Variants in C5AR1 observed in about 807,000 individuals in gnomAD.
The protein encoded by C5AR1 is complement C5a receptor 1, also known as C5a anaphylatoxin chemotactic receptor 1.
In C5AR1, 4 loss-of-function variants were observed where a neutral mutation model predicts 2.4. That is an observed-to-expected ratio of 1.65 (90% CI 0.81 to 3.77). The LOEUF is 3.77. Among genes scored for constraint, C5AR1 ranks in the 30% most tolerant of loss-of-function variants. C5AR1 has a pLI of 0.01. For synonymous variants in C5AR1, 209 were observed against 210.4 expected (o/e 0.99, Z 0.06); for missense variants, 418 against 462.5 (o/e 0.90, Z 0.88).
chr19:47,312,979 T>G (rs558862338), intron 1 of C5AR1, among the ~76,000 whole-genome samples: 1 of 152,228 alleles, frequency 6.6e-6, no homozygotes, highest in South Asian at 2.1e-4. Context: ...ATTTGGTCTG[T>G]TTTGTTTTGT....
intron 1 of C5AR1, among the ~76,000 whole-genome samples, chr19:47,312,458 G>C (rs4427917): frequency 0.33 from 49,461 of 152,048 alleles, 8,341 homozygotes; most frequent in East Asian, 0.48. Context: ...AATTGACTGA[G>C]TGAATGCATG....
intron 1 of C5AR1, among the ~76,000 whole-genome samples, chr19:47,314,467 G>A (rs953861079): frequency 9.2e-5 from 14 of 151,990 alleles, no homozygotes; most frequent in East Asian, 1.9e-4. Context: ...AAGCGATCTC[G>A]GCTCACTGTA....
intron 1 of C5AR1, among the ~76,000 whole-genome samples, chr19:47,317,014 CAA>C (rs1043662427): frequency 3.3e-5 from 4 of 122,692 alleles, no homozygotes; most frequent in Non-Finnish European, 1.7e-5. Flanking sequence ...CCATCTCTAC[CAA>C]AAAAAAAAAA....
In C5AR1 at chr19:47,309,905, C is replaced by T. The variant is rs2122126557; in HGVS notation, c.3+7C>T. ...CCCAGGAGACCAGAACATGGTGAGT[C>T]TCGAAGGGGAATGGGAGCAGGAAAC... On this transcript the variant is annotated splice_region_variant and intron_variant, in intron 1 of 1. Coordinates refer to ENST00000355085, the MANE Select transcript of C5AR1 (RefSeq NM_001736.4). The T allele has an allele frequency of 1.2e-6, 2 of 1,612,446 alleles. No homozygotes were observed. Among genetic ancestry groups the T allele is most frequent in the Non-Finnish European group, 1.7e-6 (2 of 1,179,178 alleles).
At chr19:47,317,153 ACTGCACATAAG>A (rs1456067460) in intron 1 of C5AR1, among the ~76,000 whole-genome samples, 1 of 149,928 alleles carries the variant, frequency 6.7e-6, no homozygotes, top group African/African-American at 2.5e-5. Flanking sequence ...TGATTGCACC[ACTGCACATAAG>A]CCTGGGTGAC....
upstream of C5AR1, among the ~76,000 whole-genome samples, chr19:47,309,036 A>G (rs2122125497): frequency 6.6e-6 from 1 of 152,168 alleles, no homozygotes; most frequent in East Asian, 1.9e-4. Flanking sequence ...CAGCCTCCCA[A>G]AGTGCTGGGA....
At chr19:47,308,269 G>C (rs2059259872), upstream of C5AR1, among the ~76,000 whole-genome samples, 1 of 151,066 alleles carries the variant, frequency 6.6e-6, no homozygotes. Flanking sequence ...GCGCATGTGA[G>C]GGATCTGGGT....
chr19:47,313,001 G>A (rs2059275520), intron 1 of C5AR1, among the ~76,000 whole-genome samples: 1 of 152,122 alleles, frequency 6.6e-6, no homozygotes. Flanking sequence ...TTGAGACAGA[G>A]TCTCGCTCTG....
At position 47,321,067 on chromosome 19, in the gene C5AR1, A is replaced by ACACCCCCCC. The variant is rs2059309399; in HGVS notation, c.*240_*241insCCCCCCCAC. On this transcript the variant is annotated 3_prime_UTR_variant, in exon 2 of 2. Coordinates refer to ENST00000355085, the MANE Select transcript of C5AR1 (RefSeq NM_001736.4). ...CACCCTCCCACCCCCCACCCCCCCC[A>ACACCCCCCC]CACACACCATCTTTCCATCCCAGGC... 3.2e-5 allele frequency: 1 copy of ACACCCCCCC among 31,262 alleles called. No individual in the cohort carries two copies. Among genetic ancestry groups the ACACCCCCCC allele is most frequent in the Non-Finnish European group, 4.9e-5 (1 of 20,580 alleles). 1.9% of individuals were successfully genotyped at this position (31,262 alleles called of 1,614,324 possible).
At chr19:47,315,920 G>A (rs956408398) in intron 1 of C5AR1, among the ~76,000 whole-genome samples, 2 of 151,856 alleles carry the variant, frequency 1.3e-5, no homozygotes, top group African/African-American at 2.4e-5. Flanking sequence ...CAAATTTACT[G>A]TATCTGTCTC....
chr19:47,319,840 C>A lies in C5AR1; in HGVS notation c.63C>A (p.Asp21Glu). The stretch of plus-strand genomic sequence containing the variant: ...ACTATGATGACAAGGATACCCTGGA[C>A]CTCAACACCCCTGTGGATAAAACTT... ...YGHYDDKDTL[D>E]LNTPVDKTSN... Residue 21 changes from aspartate (D) to glutamate (E), a missense_variant, in exon 2 of 2, where the codon GAC becomes GAA. Asp to Glu is a conservative substitution (Grantham distance 45). Coordinates refer to ENST00000355085, the MANE Select transcript of C5AR1 (RefSeq NM_001736.4). 2.5e-6 allele frequency: 4 copies of A among 1,614,112 alleles called. No individual in the cohort carries two copies. Among genetic ancestry groups the A allele is most frequent in the Non-Finnish European group, 3.4e-6 (4 of 1,179,940 alleles).
At chr19:47,318,977 C>T (rs1568661473) in intron 1 of C5AR1, among the ~76,000 whole-genome samples, 1 of 150,322 alleles carries the variant, frequency 6.7e-6, no homozygotes. Context: ...CCTCTGCCTC[C>T]TGGGTTCAAG....
At position 47,310,661 on chromosome 19, in the gene C5AR1, T is replaced by G. The variant is rs372535626; in HGVS notation, c.3+763T>G. On this transcript the variant is annotated intron_variant, in intron 1 of 1. Coordinates refer to ENST00000355085, the MANE Select transcript of C5AR1 (RefSeq NM_001736.4). ...ATGCACCACTATGTCCGGCTAATTT[T>G]TAAAATTTTTATTCTTGTAGAGATG... is the stretch of plus-strand genomic sequence containing the variant. Among the ~76,000 whole-genome samples the G allele has an allele frequency of 2.0e-5, 3 of 152,272 alleles. No homozygotes were observed. In the East Asian group the frequency reaches 5.8e-4, roughly 29 times the overall value.
upstream of C5AR1, among the ~76,000 whole-genome samples, chr19:47,309,317 G>A (rs1367790884): frequency 6.6e-6 from 1 of 152,102 alleles, no homozygotes; most frequent in Non-Finnish European, 1.5e-5. Flanking sequence ...GCTCACACTT[G>A]TAATTCTAGC....
chr19:47,318,431 T>C (rs2059296967), intron 1 of C5AR1, among the ~76,000 whole-genome samples: 2 of 151,842 alleles, frequency 1.3e-5, no homozygotes, highest in South Asian at 4.1e-4. Context: ...GTAGCTGGGA[T>C]TACAGGTGCC....
rs1042996837 is a variant in C5AR1, at chr19:47,320,915, G to C, written c.*85G>C. The C allele has an allele frequency of 8.0e-7, 1 of 1,253,504 alleles. No individual in the cohort carries two copies. Among genetic ancestry groups the C allele is most frequent in the African/African-American group, 1.5e-5 (1 of 66,672 alleles). The allele number at this position is 1,253,504 out of a possible 1,614,324, so 77.6% of individuals were successfully genotyped here. ...CTTGTTTTCACTTCACTTTTCGTGG[G>C]ATGGTGTTACCTTAGCTAACTAACT... On this transcript the variant is annotated 3_prime_UTR_variant, in exon 2 of 2. Transcript: ENST00000355085. This position sits in a 1 kb window ranked among gnomAD's most constrained non-coding sequence, Gnocchi z 4.9.
At position 47,320,041 on chromosome 19, in the gene C5AR1, G is replaced by A. The variant is rs369395488; in HGVS notation, c.264G>A (p.Ala88=). 2.0e-5 allele frequency: 33 copies of A among 1,614,060 alleles called. No individual in the cohort carries two copies. Among genetic ancestry groups the A allele is most frequent in the Non-Finnish European group, 2.4e-5 (28 of 1,180,052 alleles). ...TAGCCGACTTCCTCTCCTGCCTGGC[G>A]CTGCCCATCTTGTTCACGTCCATTG... ...LAVADFLSCL[A]LPILFTSIVQ... Residue 88 remains alanine (A), a synonymous_variant, in exon 2 of 2, where the codon GCG becomes GCA. Coordinates refer to ENST00000355085, the MANE Select transcript of C5AR1 (RefSeq NM_001736.4). This position sits in a 1 kb window ranked among gnomAD's most constrained non-coding sequence, Gnocchi z 4.9.
upstream of C5AR1, among the ~76,000 whole-genome samples, chr19:47,308,612 A>G (rs549864064): frequency 1.3e-4 from 20 of 149,580 alleles, no homozygotes; most frequent in Non-Finnish European, 2.5e-4. Context: ...CTGGAGTGCA[A>G]TGGTGCAATC....
upstream of C5AR1, among the ~76,000 whole-genome samples, chr19:47,309,470 G>T (rs1290418708): frequency 6.6e-6 from 1 of 151,752 alleles, no homozygotes; most frequent in Admixed American, 6.6e-5. Context: ...AGCTACTCGG[G>T]AGGCTGAGGC....
Sources: allele counts gnomAD v4.1 joint callset (sites outside exome capture counted in the v4.1 genomes callset), GRCh38; gene constraint gnomAD v4.1.1; non-coding constraint Gnocchi (gnomAD v3.1); transcripts MANE v1.5; gene names NCBI Gene and HGNC (gene_info 2026-07-23, HGNC 2026-07-21).